RSRC1: variants seen among roughly 807,000 people sequenced by gnomAD.
The protein encoded by RSRC1 is arginine and serine rich coiled-coil 1.
In RSRC1, 39 loss-of-function variants were observed where a neutral mutation model predicts 49.1. The observed-to-expected ratio is 0.79, with a 90% CI of 0.61 to 1.04. RSRC1 has a LOEUF of 1.04. Among genes scored for constraint, RSRC1 ranks in the 50% least tolerant of loss-of-function variants. RSRC1 has a pLI of 0.00. For synonymous variants in RSRC1, 143 were observed against 130.8 expected (o/e 1.09, Z -0.63); for missense variants, 388 against 402.4 (o/e 0.96, Z 0.31).
At chr3:158,469,309 A>G (rs1465648559) in intron 7 of RSRC1, 5 of 405,776 alleles carry the variant, frequency 1.2e-5, no homozygotes, top group Admixed American at 3.0e-5. Flanking sequence ...ATTTAATTCA[A>G]TCATCCTAAA....
chr3:158,489,168 A>G (rs1481608035), intron 7 of RSRC1, among the ~76,000 whole-genome samples: 1 of 152,258 alleles, frequency 6.6e-6, no homozygotes, highest in Admixed American at 6.5e-5. Flanking sequence ...AAAAGCATAC[A>G]TAAAAGGTTT....
chr3:158,351,926 T>A (rs963304675), intron 5 of RSRC1, among the ~76,000 whole-genome samples: 4 of 147,036 alleles, frequency 2.7e-5, no homozygotes, highest in South Asian at 4.2e-4. Context: ...TATATATATA[T>A]AAATATATAT....
chr3:158,323,286 G>T (rs1383695606), intron 5 of RSRC1, among the ~76,000 whole-genome samples: 1 of 152,044 alleles, frequency 6.6e-6, no homozygotes, highest in Non-Finnish European at 1.5e-5. Flanking sequence ...TTTTAGCATG[G>T]CTCCTTAGGG....
At chr3:158,176,131 A>T (rs1297109486) in intron 3 of RSRC1, among the ~76,000 whole-genome samples, 1 of 152,192 alleles carries the variant, frequency 6.6e-6, no homozygotes, top group East Asian at 1.9e-4. Flanking sequence ...ACTACAAACC[A>T]CTGCTCAATG....
chr3:158,172,332 A>T (rs1316904255), intron 3 of RSRC1, among the ~76,000 whole-genome samples: 2 of 152,192 alleles, frequency 1.3e-5, no homozygotes, highest in Admixed American at 1.3e-4. Flanking sequence ...CCATTAAATG[A>T]AATATTTATC....
At chr3:158,148,078 A>G (rs147694076) in intron 3 of RSRC1, among the ~76,000 whole-genome samples, 76 of 152,326 alleles carry the variant, frequency 5.0e-4, no homozygotes, top group African/African-American at 1.8e-3. Context: ...AGATATTGTT[A>G]CTATTAAACG....
At chr3:158,325,575 T>C (rs1422040715) in intron 5 of RSRC1, among the ~76,000 whole-genome samples, 3 of 152,340 alleles carry the variant, frequency 2.0e-5, no homozygotes, top group Admixed American at 1.3e-4. Flanking sequence ...TCTATTCTGT[T>C]CCATTGATCT....
rs536210908 is a variant in RSRC1, at chr3:158,471,827, G to A, written c.652+10824G>A. 3.3e-5 allele frequency among the ~76,000 whole-genome samples: 5 copies of A among 152,124 alleles called. No homozygotes were observed. In the East Asian group the frequency reaches 9.6e-4, roughly 29 times the overall value. ...TCTTATTGAATCCTATCCAACCAAC[G>A]TAGACATTATTGCTTGTGATTTGGA... is the stretch of plus-strand genomic sequence containing the variant. On this transcript the variant is annotated intron_variant, in intron 7 of 9. Transcript: ENST00000611884.
intron 5 of RSRC1, among the ~76,000 whole-genome samples, chr3:158,340,455 C>T (rs1401260222): frequency 5.3e-5 from 8 of 152,022 alleles, no homozygotes; most frequent in African/African-American, 1.7e-4. Context: ...GCAGGAGAAT[C>T]GCTTGAACCC....
intron 5 of RSRC1, among the ~76,000 whole-genome samples, chr3:158,325,501 C>T (rs1358607628): frequency 6.6e-6 from 1 of 152,122 alleles, no homozygotes; most frequent in Non-Finnish European, 1.5e-5. Flanking sequence ...TTCCTCATTG[C>T]TTGTTTTTGT....
Position 158,466,675 on chromosome 3 carries a change from G to A in RSRC1, c.652+5672G>A, listed in dbSNP as rs569988858. 4.3e-4 allele frequency among the ~76,000 whole-genome samples: 66 copies of A among 152,252 alleles called. No individual in the cohort carries two copies. In the South Asian group the frequency reaches 0.012, roughly 28 times the overall value. On this transcript the variant is annotated intron_variant, in intron 7 of 9. Coordinates refer to ENST00000611884, the MANE Select transcript of RSRC1 (RefSeq NM_001271838.2). ...TCTGCCATTTCCTAGCTCTGTGACC[G>A]AATAAATCACTTAACCTCTCTGCGA...
chr3:158,273,299 C>T (rs1272791701), intron 4 of RSRC1, among the ~76,000 whole-genome samples: 2 of 151,962 alleles, frequency 1.3e-5, no homozygotes, highest in South Asian at 2.1e-4. Context: ...CATACCTGGC[C>T]CTAGTCTAAG....
intron 4 of RSRC1, among the ~76,000 whole-genome samples, chr3:158,289,434 T>C (rs1578294383): frequency 1.3e-5 from 2 of 152,184 alleles, no homozygotes; most frequent in South Asian, 4.1e-4. Context: ...CTCACTAATA[T>C]TTGTCTATAA....
chr3:158,330,838 G>A (rs1290283886), intron 5 of RSRC1, among the ~76,000 whole-genome samples: 1 of 150,890 alleles, frequency 6.6e-6, no homozygotes, highest in Non-Finnish European at 1.5e-5. Flanking sequence ...ATCTGTATTA[G>A]TCTGTTCTCA....
At chr3:158,232,706 T>A (rs1723035922) in intron 4 of RSRC1, among the ~76,000 whole-genome samples, 1 of 152,052 alleles carries the variant, frequency 6.6e-6, no homozygotes, top group Non-Finnish European at 1.5e-5. Context: ...ACGGCATAAT[T>A]TTAGATAATC....
At chr3:158,213,803 A>T (rs1393687292) in intron 4 of RSRC1, among the ~76,000 whole-genome samples, 1 of 151,960 alleles carries the variant, frequency 6.6e-6, no homozygotes, top group Non-Finnish European at 1.5e-5. Flanking sequence ...ATTTTGAAAA[A>T]TAATGTGTAT....
At chr3:158,399,436 G>T in intron 6 of RSRC1, among the ~76,000 whole-genome samples, 1 of 35,762 alleles carries the variant, frequency 2.8e-5, no homozygotes, top group African/African-American at 1.6e-4. Context: ...GATTACAGGC[G>T]TGAGCCACCG....
chr3:158,145,324 G>T (rs987876199), intron 3 of RSRC1, among the ~76,000 whole-genome samples: 5 of 152,046 alleles, frequency 3.3e-5, no homozygotes, highest in South Asian at 4.1e-4. Context: ...TGTAAGGAAG[G>T]GATCCAGTTT....
At chr3:158,319,774 G>A (rs561535116) in intron 5 of RSRC1, among the ~76,000 whole-genome samples, 3 of 152,224 alleles carry the variant, frequency 2.0e-5, no homozygotes, top group Admixed American at 6.5e-5. Flanking sequence ...ATGCATATAT[G>A]TACAGCTTTA....
Sources: gnomAD v4.1 joint callset for allele counts (sites outside exome capture counted in the v4.1 genomes callset) on GRCh38, gnomAD v4.1.1 for gene constraint, MANE v1.5 for transcripts, NCBI Gene and HGNC (gene_info 2026-07-23, HGNC 2026-07-21) for gene names.